The following KIF18A variants were observed in gnomAD, a reference collection of about 807,000 sequenced individuals.
KIF18A encodes kinesin family member 18A.
KIF18A carries 67 observed loss-of-function variants against 103.3 expected under a neutral mutation model. That is an observed-to-expected ratio of 0.65 (90% CI 0.53 to 0.79). The LOEUF (loss-of-function observed/expected upper bound fraction) is 0.79. Ranked by LOEUF, KIF18A falls within the 30% of genes least tolerant of loss-of-function variation. The pLI, the probability that KIF18A is intolerant of heterozygous loss-of-function variation, is 0.00. For missense variants in KIF18A, 1,032 were observed against 1,062.5 expected (o/e 0.97, Z 0.40); for synonymous variants, 367 against 355.5 (o/e 1.03, Z -0.36).
chr11:28,089,583 A>G (rs900140013), intron 5 of KIF18A, among the ~76,000 whole-genome samples: 5 of 152,208 alleles, frequency 3.3e-5, no homozygotes, highest in Non-Finnish European at 5.9e-5. Context: ...GATGAGTATG[A>G]CATCACTAGA....
At chr11:28,104,925 A>G (rs1851486664) in intron 1 of KIF18A, among the ~76,000 whole-genome samples, 1 of 152,148 alleles carries the variant, frequency 6.6e-6, no homozygotes, top group South Asian at 2.1e-4. Flanking sequence ...ATAGAAGGGA[A>G]ATATGAAGGT....
At chr11:28,063,428 A>G (rs893021381) in intron 11 of KIF18A, among the ~76,000 whole-genome samples, 1 of 151,984 alleles carries the variant, frequency 6.6e-6, no homozygotes, top group Admixed American at 6.6e-5. Context: ...TTTTAAAGAG[A>G]CAAGACTTGA....
At chr11:28,053,546 C>T (rs1202518591) in intron 13 of KIF18A, among the ~76,000 whole-genome samples, 2 of 151,798 alleles carry the variant, frequency 1.3e-5, no homozygotes, top group Non-Finnish European at 2.9e-5. Flanking sequence ...GGTACATGTG[C>T]ACAACGTGCA....
intron 11 of KIF18A, among the ~76,000 whole-genome samples, chr11:28,066,993 C>T (rs1401034291): frequency 6.6e-6 from 1 of 151,716 alleles, no homozygotes; most frequent in Non-Finnish European, 1.5e-5. Context: ...TAGCACTCCA[C>T]TTAAGCTCAT....
At chr11:28,037,024 T>C (rs1001717678) in intron 13 of KIF18A, among the ~76,000 whole-genome samples, 4 of 151,588 alleles carry the variant, frequency 2.6e-5, no homozygotes, top group Non-Finnish European at 5.9e-5. Context: ...GAAAACAGTA[T>C]TAAACTTTTA....
chr11:28,092,018 T>C (rs1851311652), intron 3 of KIF18A, among the ~76,000 whole-genome samples: 1 of 152,196 alleles, frequency 6.6e-6, no homozygotes, highest in South Asian at 2.1e-4. Flanking sequence ...GGTTTCACCA[T>C]GTTAGCCAGG....
intron 9 of KIF18A, among the ~76,000 whole-genome samples, chr11:28,081,657 T>C (rs1851167172): frequency 6.6e-6 from 1 of 152,182 alleles, no homozygotes; most frequent in Non-Finnish European, 1.5e-5. Context: ...TTAATGTTGT[T>C]TTCATGTCTG....
chr11:28,027,108 G>A (rs1383258115), intron 15 of KIF18A, among the ~76,000 whole-genome samples: 2 of 151,726 alleles, frequency 1.3e-5, no homozygotes, highest in Non-Finnish European at 3.0e-5. Flanking sequence ...TTGTAAATTC[G>A]CTTCCTGTTA....
chr11:28,029,093 C>T (rs1948767525), intron 15 of KIF18A, among the ~76,000 whole-genome samples: 2 of 152,124 alleles, frequency 1.3e-5, no homozygotes, highest in African/African-American at 4.8e-5. Context: ...TGAATTCTAC[C>T]AGAGGTACAA....
intron 2 of KIF18A, among the ~76,000 whole-genome samples, chr11:28,096,523 T>C (rs1371894458): frequency 6.6e-6 from 1 of 152,146 alleles, no homozygotes; most frequent in Non-Finnish European, 1.5e-5. Flanking sequence ...AAAAATTCAA[T>C]AGTAGTTTGA....
At chr11:28,042,238 A>C (rs1001669949) in intron 13 of KIF18A, among the ~76,000 whole-genome samples, 3 of 151,886 alleles carry the variant, frequency 2.0e-5, no homozygotes, top group Non-Finnish European at 4.4e-5. Context: ...GACAGTATTG[A>C]AAATGAAGTT....
chr11:28,029,098 GT>G (rs1850361142), intron 15 of KIF18A, among the ~76,000 whole-genome samples: 1 of 152,116 alleles, frequency 6.6e-6, no homozygotes, highest in African/African-American at 2.4e-5. Flanking sequence ...TCTACCAGAG[GT>G]ACAAAGAGGA....
intron 11 of KIF18A, among the ~76,000 whole-genome samples, chr11:28,065,952 T>C (rs555598559): frequency 1.8e-4 from 28 of 152,170 alleles, no homozygotes; most frequent in African/African-American, 6.5e-4. Flanking sequence ...ATGGTTAAGA[T>C]GGTAAATTTT....
intron 15 of KIF18A, among the ~76,000 whole-genome samples, chr11:28,024,218 T>C (rs1370496840): frequency 7.5e-6 from 1 of 132,712 alleles, no homozygotes; most frequent in African/African-American, 2.8e-5. Context: ...AAAACTAAGC[T>C]CATGTTACAA....
chr11:28,088,471 C>G, intron 6 of KIF18A, 53 bp downstream of exon 6: 1 of 1,390,972 alleles, frequency 7.2e-7, no homozygotes, highest in Non-Finnish European at 1.0e-6. Context: ...TAGTATCTTT[C>G]TTATCTATTT....
chr11:28,089,490 A>G (rs1307766418), intron 5 of KIF18A, among the ~76,000 whole-genome samples: 1 of 152,174 alleles, frequency 6.6e-6, no homozygotes, highest in African/African-American at 2.4e-5. Flanking sequence ...TATGTACTAT[A>G]TTTTCATATG....
In KIF18A at chr11:28,091,464, G is replaced by A; in HGVS notation, c.533C>T (p.Ala178Val). The A allele has an allele frequency of 6.2e-7, 1 of 1,611,586 alleles. No individual in the cohort carries two copies. Among genetic ancestry groups the A allele is most frequent in the South Asian group, 1.1e-5 (1 of 90,954 alleles). ...CCCTTTTTGGGTATCTTCCCGGACA[G>A]CAAGTGGCCCTGAATTTACTAAGAG... ...RDLLVNSGPLAVREDTQKGVV... is the reference protein window; with the variant it reads ...RDLLVNSGPLVVREDTQKGVV... The change falls in exon 4 of 17, where the codon GCT (alanine) becomes GTT (valine). Residue 178 changes from alanine to valine, a missense_variant. Transcript: ENST00000263181.
intron 12 of KIF18A, among the ~76,000 whole-genome samples, chr11:28,060,331 T>C (rs1850842251): frequency 1.3e-5 from 2 of 152,176 alleles, no homozygotes; most frequent in African/African-American, 4.8e-5. Flanking sequence ...ATTAGAAGTA[T>C]GGATAGGGTA....
At chr11:28,083,946 G>A (rs955329102) in intron 7 of KIF18A, among the ~76,000 whole-genome samples, 2 of 152,078 alleles carry the variant, frequency 1.3e-5, no homozygotes, top group South Asian at 2.1e-4. Context: ...AGGGGAAAGG[G>A]AGAAGAGGAG....
Sources: gnomAD v4.1 joint callset for allele counts (sites outside exome capture counted in the v4.1 genomes callset) on GRCh38, gnomAD v4.1.1 for gene constraint, MANE v1.5 for transcripts, NCBI Gene and HGNC (gene_info 2026-07-23, HGNC 2026-07-21) for gene names.